Variants in RASGRF2 observed in about 807,000 individuals in gnomAD.
RASGRF2 encodes Ras protein specific guanine nucleotide releasing factor 2.
In RASGRF2, 76 loss-of-function variants were observed where a neutral mutation model predicts 151.0. The observed-to-expected ratio is 0.50, with a 90% CI of 0.42 to 0.61. The LOEUF (loss-of-function observed/expected upper bound fraction) is 0.61. Ranked by LOEUF, RASGRF2 falls within the 20% of genes least tolerant of loss-of-function variation. The pLI is 0.00. For missense variants in RASGRF2, 1,148 were observed against 1,564.6 expected, an observed-to-expected ratio of 0.73 and a Z score of 4.49; for synonymous variants, 504 against 566.5, an observed-to-expected ratio of 0.89 and a Z score of 1.57.
At chr5:81,138,641 G>T (rs900688891) in intron 17 of RASGRF2, among the ~76,000 whole-genome samples, 12 of 152,140 alleles carry the variant, frequency 7.9e-5, no homozygotes, top group Non-Finnish European at 1.6e-4. Context: ...GCGTCTCACT[G>T]TCATGCTGGT....
chr5:81,215,942 G>C lies in RASGRF2; in HGVS notation c.3421G>C (p.Glu1141Gln). 1 of 1,538,990 alleles carries C rather than the reference G, an allele frequency of 6.5e-7. No individual in the cohort carries two copies. Among genetic ancestry groups the C allele is most frequent in the Non-Finnish European group, 8.7e-7 (1 of 1,152,442 alleles). The change falls in exon 24 of 27, where the codon GAA becomes CAA. Residue 1141 changes from glutamate (E) to glutamine (Q), a missense_variant. Physicochemically the swap from Glu to Gln is conservative, Grantham distance 29. Coordinates refer to ENST00000265080, the MANE Select transcript of RASGRF2 (RefSeq NM_006909.3). ...SSEGRFKNLRETLKNCNPPAV... is the reference protein window; with the variant it reads ...SSEGRFKNLRQTLKNCNPPAV... ...TGAAGGAAGATTTAAAAATCTTAGA[G>C]AAACCCTTAAAAAGTATGTCTATCT...
intron 22 of RASGRF2, among the ~76,000 whole-genome samples, chr5:81,211,964 C>A (rs917850509): frequency 1.3e-5 from 2 of 152,170 alleles, no homozygotes; most frequent in Non-Finnish European, 2.9e-5. Flanking sequence ...TGAGTAATCA[C>A]ACACTGTTGG....
At chr5:80,963,441 T>C (rs1023800277) in intron 1 of RASGRF2, among the ~76,000 whole-genome samples, 2 of 152,096 alleles carry the variant, frequency 1.3e-5, no homozygotes, top group South Asian at 4.2e-4. Context: ...CTTAATCTTT[T>C]CTCTTTTTTT....
Position 81,096,946 on chromosome 5 carries a change from G to GT in RASGRF2, c.1755+1962dup, listed in dbSNP as rs199582344. Among the ~76,000 whole-genome samples the GT allele has an allele frequency of 3.8e-3, 498 of 132,232 alleles. 3 individuals carry two copies. Among genetic ancestry groups the GT allele is most frequent in the East Asian group, 7.3e-3 (35 of 4,790 alleles). The allele number at this position is 132,232 out of a possible 152,430, so 86.7% of individuals were successfully genotyped here. A position where few individuals can be genotyped will look rare whatever the true frequency, so the allele number is the denominator to read the frequency against. On this transcript the variant is annotated intron_variant, in intron 12 of 26. Coordinates refer to ENST00000265080, the MANE Select transcript of RASGRF2 (RefSeq NM_006909.3). ...ACCAAAAGTTGTATCTGTTTTTTCTGTTTTTTTTGTTTGTTTGTTTGTGTT... is the reference window on the plus strand; with the variant it reads ...ACCAAAAGTTGTATCTGTTTTTTCTGTTTTTTTTTGTTTGTTTGTTTGTGTT...
intron 13 of RASGRF2, among the ~76,000 whole-genome samples, chr5:81,110,238 A>G (rs1439863487): frequency 2.6e-5 from 4 of 152,190 alleles, no homozygotes; most frequent in African/African-American, 4.8e-5. Flanking sequence ...AAACTTACCA[A>G]TTATAATAGA....
intron 1 of RASGRF2, among the ~76,000 whole-genome samples, chr5:81,020,324 G>A (rs1749784170): frequency 2.0e-5 from 3 of 152,016 alleles, no homozygotes; most frequent in African/African-American, 7.3e-5. Flanking sequence ...GGCTTAAGGG[G>A]GTCTTTTTTT....
intron 1 of RASGRF2, among the ~76,000 whole-genome samples, chr5:80,963,316 C>T (rs1747622723): frequency 6.6e-6 from 1 of 152,138 alleles, no homozygotes; most frequent in Non-Finnish European, 1.5e-5. Flanking sequence ...CTTTCCATAT[C>T]AATATCTCCC....
At chr5:80,972,669 A>G (rs1384506526) in intron 1 of RASGRF2, among the ~76,000 whole-genome samples, 5 of 152,102 alleles carry the variant, frequency 3.3e-5, no homozygotes, top group Non-Finnish European at 5.9e-5. Context: ...TAGTAAAGAC[A>G]GGGTTTCATC....
intron 1 of RASGRF2, among the ~76,000 whole-genome samples, chr5:81,019,071 T>C (rs916498740): frequency 5.0e-5 from 6 of 121,068 alleles, no homozygotes; most frequent in African/African-American, 1.8e-4. Flanking sequence ...AAAGTGCTGG[T>C]ATTACAGGCT....
chr5:81,219,358 G>A (rs1755810183), intron 25 of RASGRF2, among the ~76,000 whole-genome samples: 1 of 152,116 alleles, frequency 6.6e-6, no homozygotes, highest in Non-Finnish European at 1.5e-5. Flanking sequence ...TGGGATTACA[G>A]GCATGAGCCA....
chr5:81,179,983 C>T (rs934742318), intron 17 of RASGRF2, among the ~76,000 whole-genome samples, 192 bp from the exon 18 acceptor site: 3 of 152,040 alleles, frequency 2.0e-5, no homozygotes, highest in Admixed American at 6.6e-5. Flanking sequence ...CACCTGTAAC[C>T]GCACGAGGGC....
At chr5:81,028,911 C>T (rs1455360754) in intron 1 of RASGRF2, among the ~76,000 whole-genome samples, 1 of 152,172 alleles carries the variant, frequency 6.6e-6, no homozygotes, top group Non-Finnish European at 1.5e-5. Context: ...AAGGGAAGCC[C>T]TGCCAGATGG....
At position 81,112,758 on chromosome 5, in the gene RASGRF2, A is replaced by T; in HGVS notation, c.1987A>T (p.Asn663Tyr). ...GCGGTTTCTTAGTATTGATTTCCTCAACACCTTTCTGCACACCTATCGTAT... is the reference window on the plus strand; with the variant it reads ...GCGGTTTCTTAGTATTGATTTCCTCTACACCTTTCTGCACACCTATCGTAT... ...DLRFLSIDFLNTFLHTYRIFT... is the reference protein window; with the variant it reads ...DLRFLSIDFLYTFLHTYRIFT... Residue 663 changes from asparagine to tyrosine, a missense_variant, in exon 14 of 27, where the codon AAC (asparagine) becomes TAC (tyrosine). Around this residue, in one of 5 missense-constraint regions of RASGRF2, gnomAD observed 646 missense variants for 807.4 expected, o/e 0.80. Coordinates refer to ENST00000265080, the MANE Select transcript of RASGRF2 (RefSeq NM_006909.3). 1.9e-6 allele frequency: 3 copies of T among 1,614,162 alleles called. No individual in the cohort carries two copies. Among genetic ancestry groups the T allele is most frequent in the Non-Finnish European group, 2.5e-6 (3 of 1,180,016 alleles).
Position 81,086,837 on chromosome 5 carries a change from T to A in RASGRF2, c.1274T>A (p.Val425Glu), listed in dbSNP as rs1219999726. ...ATCCTGTCTGTGTTGTGTCACAGAG[T>A]AATGCACGATGAAGTCAGCGACACT... ...AKSKLEELSR[V>E]MHDEVSDTEN... The change falls in exon 9 of 27, where the codon GTA becomes GAA. Residue 425 changes from valine (V) to glutamate (E), a missense_variant and splice_region_variant. This residue lies in a region of RASGRF2 where 176 missense variants were observed against 309.6 expected (regional missense o/e 0.57). Transcript: ENST00000265080. 1.2e-6 allele frequency: 2 copies of A among 1,608,934 alleles called. No individual in the cohort carries two copies. The highest frequency in any genetic ancestry group is 1.7e-6 in the Non-Finnish European group (2 of 1,175,486).
chr5:81,011,696 G>C (rs541998197), intron 1 of RASGRF2, among the ~76,000 whole-genome samples: 2 of 151,398 alleles, frequency 1.3e-5, no homozygotes, highest in South Asian at 2.1e-4. Context: ...AGCTGAGATC[G>C]AGCCATTGCA....
intron 1 of RASGRF2, among the ~76,000 whole-genome samples, chr5:80,996,842 C>T: frequency 6.6e-6 from 1 of 151,658 alleles, no homozygotes; most frequent in Non-Finnish European, 1.5e-5. Context: ...TCAAGTGATC[C>T]ACCTGCCTCA....
At chr5:81,209,080 C>T (rs1755575578) in intron 22 of RASGRF2, among the ~76,000 whole-genome samples, 1 of 152,058 alleles carries the variant, frequency 6.6e-6, no homozygotes, top group Non-Finnish European at 1.5e-5. Context: ...TGTCACTGGC[C>T]CCTGGTGGTG....
At chr5:81,101,958 C>G (rs889851100) in intron 12 of RASGRF2, among the ~76,000 whole-genome samples, 4 of 152,194 alleles carry the variant, frequency 2.6e-5, no homozygotes, top group Non-Finnish European at 4.4e-5. Flanking sequence ...ACGTTTATCT[C>G]AAGTTCCAAT....
At chr5:81,125,384 T>C (rs1753424788) in intron 16 of RASGRF2, among the ~76,000 whole-genome samples, 1 of 152,228 alleles carries the variant, frequency 6.6e-6, no homozygotes, top group South Asian at 2.1e-4. Context: ...ATATTAGCCC[T>C]TGGGGCTTTA....
Sources: gnomAD v4.1 joint callset for allele counts (sites outside exome capture counted in the v4.1 genomes callset) on GRCh38, gnomAD v4.1.1 for gene constraint, gnomAD v4.1.1 regional missense constraint, MANE v1.5 for transcripts, NCBI Gene and HGNC (gene_info 2026-07-23, HGNC 2026-07-21) for gene names.